WDR33: variants seen among roughly 807,000 people sequenced by gnomAD.
The protein encoded by WDR33 is WD repeat domain 33.
WDR33 carries 47 observed loss-of-function variants against 164.9 expected under a neutral mutation model. That is an observed-to-expected ratio of 0.29 (90% confidence interval 0.23 to 0.36). WDR33 has a LOEUF of 0.36. Ranked by LOEUF, WDR33 falls within the 10% of genes least tolerant of loss-of-function variation. The pLI is 1.00. For synonymous variants in WDR33, 505 were observed against 589.0 expected (o/e 0.86, Z 2.06); for missense variants, 1,137 against 1,754.1 (o/e 0.65, Z 6.28).
chr2:127,785,536 C>G (rs903280821), intron 1 of WDR33, among the ~76,000 whole-genome samples: 1 of 152,188 alleles, frequency 6.6e-6, no homozygotes, highest in African/African-American at 2.4e-5. Context: ...ACAGTTTTGC[C>G]CTTTCCAGAA....
chr2:127,777,549 G>A (rs1279960013), intron 1 of WDR33, among the ~76,000 whole-genome samples: 2 of 152,150 alleles, frequency 1.3e-5, no homozygotes, highest in South Asian at 2.1e-4. Flanking sequence ...TCAACAATGT[G>A]GTGACTATAC....
At chr2:127,737,877 G>C (rs1686895409) in intron 7 of WDR33, 5 of 1,439,342 alleles carry the variant, frequency 3.5e-6, no homozygotes, top group Non-Finnish European at 4.6e-6. Flanking sequence ...CAAAGTAGAA[G>C]AGTAGTTAAC....
Position 127,706,719 on chromosome 2 carries a change from GACCCTGCCTCCCCCT to G in WDR33, c.3782-182_3782-168del, listed in dbSNP as rs1280774405. ...GAGAGGTGTGCCTCTACCCTTTCCTGACCCTGCCTCCCCCTTCCTGGCTCATGGCCATGGGCCTCA... is the reference window on the plus strand; with the variant it reads ...GAGAGGTGTGCCTCTACCCTTTCCTGTCCTGGCTCATGGCCATGGGCCTCA... On this transcript the variant is annotated intron_variant, in intron 21 of 21. Transcript: ENST00000322313. The surrounding 1 kb of genome is among the most constrained non-coding windows in gnomAD (Gnocchi z 5.1). 6.6e-6 allele frequency among the ~76,000 whole-genome samples: 1 copy of G among 152,174 alleles called. No individual in the cohort carries two copies. Among genetic ancestry groups the G allele is most frequent in the Admixed American group, 6.5e-5 (1 of 15,280 alleles).
chr2:127,764,629 A>T lies in WDR33; in HGVS notation c.626+199T>A, dbSNP rs117753184. ...CATCTCTAACATATTGCAAAGGCTG[A>T]TACCGGGACAACACTACTTCAGAAA... On this transcript the variant is annotated intron_variant, in intron 6 of 21. Transcript: ENST00000322313. The surrounding 1 kb of genome is among the most constrained non-coding windows in gnomAD (Gnocchi z 6.2). The T allele has an allele frequency of 3.8e-3, 5,958 of 1,555,596 alleles. 196 individuals carry two copies. In the Admixed American group the frequency reaches 0.076, roughly 20 times the overall value.
intron 7 of WDR33, among the ~76,000 whole-genome samples, chr2:127,732,696 G>T (rs1428416192): frequency 1.3e-5 from 2 of 152,148 alleles, no homozygotes; most frequent in African/African-American, 4.8e-5. Context: ...ATGTGCCTCA[G>T]ATACTCAGCA....
chr2:127,765,461 C>T (rs1415503153), intron 4 of WDR33, among the ~76,000 whole-genome samples, 192 bp from the exon 5 acceptor site: 1 of 152,128 alleles, frequency 6.6e-6, no homozygotes, highest in Non-Finnish European at 1.5e-5. Context: ...AAGCTCTAGT[C>T]CTTTGGTTTA....
chr2:127,701,296 GA>G lies in WDR33; in HGVS notation c.*5026del, dbSNP rs1685870338. ...CGCAAGGGCGCCTACTCCGAACAAG[GA>G]AGAGGGTCAGGCGCTGGGAGGGCGA... On this transcript the variant is annotated 3_prime_UTR_variant, in exon 22 of 22. Transcript: ENST00000322313. 3 of 353,244 alleles carry G rather than the reference GA, an allele frequency of 8.5e-6. No homozygotes were observed. The highest frequency in any genetic ancestry group is 4.8e-5 in the Admixed American group (1 of 20,882). The allele number at this position is 353,244 out of a possible 1,614,324, so 21.9% of individuals were successfully genotyped here.
At chr2:127,707,051 GTAAAA>G (rs1230944322) in intron 21 of WDR33, among the ~76,000 whole-genome samples, 5 of 152,200 alleles carry the variant, frequency 3.3e-5, no homozygotes, top group Non-Finnish European at 5.9e-5. Flanking sequence ...TTCATAATTA[GTAAAA>G]TAAAGTATTT....
rs1299761689 is a variant in WDR33 at position 127,788,431 on chromosome 2, C to T, written c.-23-17427G>A. Among the ~76,000 whole-genome samples the T allele has an allele frequency of 5.5e-4, 73 of 132,736 alleles. 1 individual carries two copies. The highest frequency in any genetic ancestry group is 9.3e-4 in the Non-Finnish European group (57 of 61,332). The allele number at this position is 132,736 out of a possible 152,430, so 87.1% of individuals were successfully genotyped here. A position where few individuals can be genotyped will look rare whatever the true frequency, so the allele number is the denominator to read the frequency against. On this transcript the variant is annotated intron_variant, in intron 1 of 21. Coordinates refer to ENST00000322313, the MANE Select transcript of WDR33 (RefSeq NM_018383.5). Reference sequence around the variant, plus strand: ...GCTGGCCGGGCGGAGGGCTGACCCCCCCCACCTCCCTCCCGGACGGGGCGG... The same window carrying T: ...GCTGGCCGGGCGGAGGGCTGACCCCTCCCACCTCCCTCCCGGACGGGGCGG...
chr2:127,766,636 T>C (rs961956946), intron 4 of WDR33, among the ~76,000 whole-genome samples: 2 of 152,198 alleles, frequency 1.3e-5, no homozygotes, highest in African/African-American at 4.8e-5. Flanking sequence ...TCGGATTTTA[T>C]TCTTTTCAAA....
At position 127,780,013 on chromosome 2, in the gene WDR33, G is replaced by A. The variant is rs370942373; in HGVS notation, c.-23-9009C>T. 4.9e-3 allele frequency among the ~76,000 whole-genome samples: 710 copies of A among 144,342 alleles called. 3 individuals are homozygous for A. The highest frequency in any genetic ancestry group is 0.018 in the African/African-American group (669 of 37,752). 94.7% of individuals were successfully genotyped at this position (144,342 alleles called of 152,430 possible). A position where few individuals can be genotyped will look rare whatever the true frequency, so the allele number is the denominator to read the frequency against. ...TTTTGAGACGGAGTCTCGCTCTGTC[G>A]CCCAGGCTAGAGTGCAGTGGTGCGA... On this transcript the variant is annotated intron_variant, in intron 1 of 21. Coordinates refer to ENST00000322313, the MANE Select transcript of WDR33 (RefSeq NM_018383.5).
At chr2:127,769,513 A>T (rs1687929981) in intron 2 of WDR33, among the ~76,000 whole-genome samples, 1 of 151,962 alleles carries the variant, frequency 6.6e-6, no homozygotes, top group Admixed American at 6.6e-5. Flanking sequence ...GATACTGTCG[A>T]CTCCAACACA....
Position 127,724,529 on chromosome 2 carries a change from C to A in WDR33, c.1086-86G>T. On this transcript the variant is annotated intron_variant, in intron 10 of 21. Transcript: ENST00000322313. The surrounding 1 kb of genome is among the most constrained non-coding windows in gnomAD (Gnocchi z 4.8). ...CTCAAAAAAGACATTTTCTGTTACT[C>A]TTAAAATGAAGCTACCAAAGCCTGG... 1 of 1,209,766 alleles carries A rather than the reference C, an allele frequency of 8.3e-7. No individual in the cohort carries two copies. The highest frequency in any genetic ancestry group is 2.4e-5 in the East Asian group (1 of 42,268). 74.9% of individuals were successfully genotyped at this position (1,209,766 alleles called of 1,614,324 possible). A position where few individuals can be genotyped will look rare whatever the true frequency, so the allele number is the denominator to read the frequency against.
chr2:127,759,367 G>A (rs951471806), intron 7 of WDR33, among the ~76,000 whole-genome samples: 3 of 152,046 alleles, frequency 2.0e-5, no homozygotes, highest in Admixed American at 6.6e-5. Context: ...TTTTCTAAGC[G>A]TAAGAACAAT....
At chr2:127,810,732 A>G (rs1377601121) in intron 1 of WDR33, 4 of 152,324 alleles carry the variant, frequency 2.6e-5, no homozygotes, top group African/African-American at 9.6e-5. Flanking sequence ...TCACGTCTTA[A>G]CTGTGGCCTG....
chr2:127,725,486 C>T (rs1180185380), intron 8 of WDR33, among the ~76,000 whole-genome samples: 1 of 152,178 alleles, frequency 6.6e-6, no homozygotes, highest in Non-Finnish European at 1.5e-5. Context: ...CCTGTAATCC[C>T]AGCACTTTGG....
intron 1 of WDR33, among the ~76,000 whole-genome samples, chr2:127,800,552 G>C (rs1689199577): frequency 6.6e-6 from 1 of 151,232 alleles, no homozygotes; most frequent in African/African-American, 2.4e-5. Context: ...CAGGAGAATG[G>C]CATGAACCCA....
chr2:127,804,883 A>G (rs1016756897), intron 1 of WDR33, among the ~76,000 whole-genome samples: 1 of 152,186 alleles, frequency 6.6e-6, no homozygotes, highest in Non-Finnish European at 1.5e-5. Flanking sequence ...CAGATCAAGT[A>G]TAACTGCAAA....
intron 7 of WDR33, among the ~76,000 whole-genome samples, chr2:127,745,521 GA>G (rs1687142744): frequency 6.6e-6 from 1 of 152,094 alleles, no homozygotes; most frequent in South Asian, 2.1e-4. Flanking sequence ...CAGCAACAAA[GA>G]AAATCAAAGA....
Sources: gnomAD v4.1 joint callset for allele counts (sites outside exome capture counted in the v4.1 genomes callset) on GRCh38, gnomAD v4.1.1 for gene constraint, Gnocchi (gnomAD v3.1) non-coding constraint, MANE v1.5 for transcripts, NCBI Gene and HGNC (gene_info 2026-07-23, HGNC 2026-07-21) for gene names.